The following GRIK3 variants were observed in gnomAD, a reference collection of about 807,000 sequenced individuals.
The protein encoded by GRIK3 is glutamate ionotropic receptor kainate type subunit 3, also known as glutamate receptor ionotropic, kainate 3.
In GRIK3, 29 loss-of-function variants were observed where a neutral mutation model predicts 102.5. The observed-to-expected ratio is 0.28, with a 90% CI of 0.21 to 0.39. The LOEUF (loss-of-function observed/expected upper bound fraction) is 0.39. GRIK3 is among the 10% of genes least tolerant of loss of function. The pLI is 1.00. For missense variants in GRIK3, 908 were observed against 1,252.4 expected (o/e 0.73, Z 4.15); for synonymous variants, 511 against 504.9 (o/e 1.01, Z -0.16).
intron 1 of GRIK3, among the ~76,000 whole-genome samples, chr1:36,933,865 C>T (rs769169532): frequency 5.3e-5 from 8 of 152,310 alleles, no homozygotes; most frequent in South Asian, 2.1e-4. Context: ...GCCCTCTCTT[C>T]GACCTTCTGC....
At chr1:36,935,257 T>G (rs1413548900) in intron 1 of GRIK3, among the ~76,000 whole-genome samples, 9 of 152,104 alleles carry the variant, frequency 5.9e-5, no homozygotes, top group Admixed American at 5.9e-4. Context: ...TAAATGCATA[T>G]CATGGTTCTC....
At chr1:36,887,808 TGA>T (rs55876095) in intron 2 of GRIK3, among the ~76,000 whole-genome samples, 122,556 of 127,492 alleles carry the variant, frequency 0.96, 58,888 homozygotes, top group Non-Finnish European at 0.98. Flanking sequence ...AGAGAGAGAG[TGA>T]GAGAGAGAGA....
At position 36,880,960 on chromosome 1, in the gene GRIK3, T is replaced by C. The variant is rs889042328; in HGVS notation, c.293-69A>G. ...GTGGGTATGGGGACAGTGATGCTGA[T>C]GATCCTGTAAACATGTGGGAAAAAC... is the stretch of plus-strand genomic sequence containing the variant. On this transcript the variant is annotated intron_variant, in intron 2 of 15. Coordinates refer to ENST00000373091, the MANE Select transcript of GRIK3 (RefSeq NM_000831.4). This position sits in a 1 kb window ranked among gnomAD's most constrained non-coding sequence, Gnocchi z 5.4. The C allele has an allele frequency of 5.4e-6, 8 of 1,489,118 alleles. No individual in the cohort carries two copies. The highest frequency in any genetic ancestry group is 2.5e-5 in the East Asian group (1 of 40,482). 92.2% of individuals were successfully genotyped at this position (1,489,118 alleles called of 1,614,324 possible).
intron 9 of GRIK3, chr1:36,849,524 G>T (rs1295540692): frequency 1.3e-5 from 2 of 152,356 alleles, no homozygotes; most frequent in African/African-American, 4.8e-5. Context: ...CTGTGACTGG[G>T]CTGCCTCTCC....
chr1:37,017,502 C>T (rs193243358), intron 1 of GRIK3, among the ~76,000 whole-genome samples: 2 of 151,956 alleles, frequency 1.3e-5, no homozygotes, highest in African/African-American at 4.8e-5. Flanking sequence ...CTTGACCTTC[C>T]TGGAGTTTGC....
At chr1:36,860,508 C>T (rs1414375978) in intron 5 of GRIK3, among the ~76,000 whole-genome samples, 2 of 152,162 alleles carry the variant, frequency 1.3e-5, no homozygotes, top group Non-Finnish European at 2.9e-5. Flanking sequence ...CTCTTCTCTC[C>T]CCCTTTTCCC....
chr1:37,027,304 T>C (rs748886032), intron 1 of GRIK3, among the ~76,000 whole-genome samples: 1 of 152,136 alleles, frequency 6.6e-6, no homozygotes, highest in Non-Finnish European at 1.5e-5. Context: ...CTGAACAACC[T>C]GTTGTCCTCA....
At chr1:36,831,440 C>T (rs978742006) in intron 10 of GRIK3, among the ~76,000 whole-genome samples, 1 of 152,216 alleles carries the variant, frequency 6.6e-6, no homozygotes. Flanking sequence ...CTGCTGGCAT[C>T]CTGCCCACAT....
At chr1:36,989,618 G>C (rs1193578917) in intron 1 of GRIK3, among the ~76,000 whole-genome samples, 3 of 152,168 alleles carry the variant, frequency 2.0e-5, no homozygotes, top group Non-Finnish European at 2.9e-5. Flanking sequence ...TGGATCTCTG[G>C]GATCCTCCTG....
chr1:37,023,345 G>T (rs563461526), intron 1 of GRIK3, among the ~76,000 whole-genome samples: 1 of 151,320 alleles, frequency 6.6e-6, no homozygotes, highest in East Asian at 1.9e-4. Context: ...AAAAAAGAAA[G>T]AAAGAAAAAG....
At chr1:36,985,821 C>A (rs1358932341) in intron 1 of GRIK3, among the ~76,000 whole-genome samples, 3 of 152,192 alleles carry the variant, frequency 2.0e-5, no homozygotes, top group African/African-American at 7.2e-5. Flanking sequence ...TGTGGGCTCC[C>A]CGTCTCCCTG....
chr1:37,011,033 G>A (rs1055775950), intron 1 of GRIK3, among the ~76,000 whole-genome samples: 4 of 152,118 alleles, frequency 2.6e-5, no homozygotes, highest in South Asian at 2.1e-4. Context: ...GAGCCACCAC[G>A]CCCGGCCTAC....
chr1:36,998,585 C>T (rs1308689328), intron 1 of GRIK3, among the ~76,000 whole-genome samples: 1 of 152,222 alleles, frequency 6.6e-6, no homozygotes, highest in Non-Finnish European at 1.5e-5. Context: ...TGATCGGACT[C>T]CCCATGTGCC....
intron 3 of GRIK3, among the ~76,000 whole-genome samples, chr1:36,877,473 C>A (rs1396184023): frequency 1.3e-5 from 2 of 152,158 alleles, no homozygotes; most frequent in Non-Finnish European, 2.9e-5. Flanking sequence ...TTAGAACCAC[C>A]TTCTAAAACT....
chr1:36,920,748 C>T (rs1641457783), intron 1 of GRIK3, among the ~76,000 whole-genome samples: 3 of 152,232 alleles, frequency 2.0e-5, no homozygotes. Context: ...CAGTGCCATT[C>T]CCCACACCCA....
chr1:36,859,131 G>A lies in GRIK3; in HGVS notation c.1081C>T (p.Arg361Cys), dbSNP rs754913368. The A allele has an allele frequency of 2.5e-6, 4 of 1,611,562 alleles. No individual in the cohort carries two copies. The highest frequency in any genetic ancestry group is 3.4e-6 in the Non-Finnish European group (4 of 1,178,238). Reference sequence around the variant, plus strand: ...ACCTCCTTGATGAAGTTCATGAAGCGGCCGCCAAAGCGCCAGGCCTTGTGC... The same window carrying A: ...ACCTCCTTGATGAAGTTCATGAAGCAGCCGCCAAAGCGCCAGGCCTTGTGC... ...HRHKAWRFGG[R>C]FMNFIKEAQW... is the part of the protein sequence containing the mutation. The change falls in exon 7 of 16, where the codon CGC (arginine) becomes TGC (cysteine). Residue 361 changes from arginine (R) to cysteine (C), a missense_variant. Transcript: ENST00000373091.
chr1:36,814,721 T>C (rs1205168167), intron 13 of GRIK3, among the ~76,000 whole-genome samples: 1 of 151,980 alleles, frequency 6.6e-6, no homozygotes, highest in Admixed American at 6.5e-5. Context: ...CACACATGCC[T>C]GCACAGGCCA....
chr1:36,947,738 T>C (rs1641800481), intron 1 of GRIK3, among the ~76,000 whole-genome samples: 1 of 152,180 alleles, frequency 6.6e-6, no homozygotes, highest in South Asian at 2.1e-4. Context: ...TGCTATTTTC[T>C]ATCCTCCTGC....
chr1:36,850,524 C>CTCATTGTCATGATCA lies in GRIK3; in HGVS notation c.1213-115_1213-101dup. On this transcript the variant is annotated intron_variant, in intron 8 of 15. Coordinates refer to ENST00000373091, the MANE Select transcript of GRIK3 (RefSeq NM_000831.4). The surrounding 1 kb of genome is among the most constrained non-coding windows in gnomAD (Gnocchi z 4.0). ...CATCTCATTCCCATTCATCATGAGC[C>CTCATTGTCATGATCA]TCATTGTCATGATCATCATCATCAT... 1.4e-6 allele frequency: 1 copy of CTCATTGTCATGATCA among 719,648 alleles called. No individual in the cohort carries two copies. Among genetic ancestry groups the CTCATTGTCATGATCA allele is most frequent in the South Asian group, 1.5e-5 (1 of 64,714 alleles). 44.6% of individuals were successfully genotyped at this position (719,648 alleles called of 1,614,324 possible).
Sources: allele counts gnomAD v4.1 joint callset (sites outside exome capture counted in the v4.1 genomes callset), GRCh38; gene constraint gnomAD v4.1.1; non-coding constraint Gnocchi (gnomAD v3.1); transcripts MANE v1.5; gene names NCBI Gene and HGNC (gene_info 2026-07-23, HGNC 2026-07-21).